Variants in SLC5A10 observed in about 807,000 individuals in gnomAD.
SLC5A10 encodes the protein solute carrier family 5 member 10.
SLC5A10 carries 55 observed loss-of-function variants against 68.9 expected under a neutral mutation model. The ratio of observed to expected loss-of-function variants is 0.80; its 90% confidence interval spans 0.64 to 1.00. SLC5A10 has a LOEUF of 1.00. Ranked by LOEUF, SLC5A10 falls within the 50% of genes least tolerant of loss-of-function variation. The pLI is 0.00. For missense variants in SLC5A10, 732 were observed against 819.3 expected, an observed-to-expected ratio of 0.89 and a Z score of 1.30; for synonymous variants, 344 against 344.8, an observed-to-expected ratio of 1.00 and a Z score of 0.02.
chr17:19,015,234 A>T, intron 11 of SLC5A10, 35 bp downstream of exon 11: 2 of 647,610 alleles, frequency 3.1e-6, no homozygotes, highest in African/African-American at 1.7e-5. Context: ...GGGTGGGGGA[A>T]CACTACAAGG....
At chr17:19,014,986 G>T (rs1422759640) in intron 10 of SLC5A10, 63 bp from the exon 11 acceptor site, 3 of 1,570,116 alleles carry the variant, frequency 1.9e-6, no homozygotes, top group African/African-American at 2.7e-5. Context: ...GAGCCCAGGC[G>T]GGAGGGGTTC....
intron 5 of SLC5A10, among the ~76,000 whole-genome samples, chr17:18,962,875 C>T (rs949280959): frequency 1.3e-5 from 2 of 152,146 alleles, no homozygotes; most frequent in African/African-American, 4.8e-5. Context: ...AGAGCTTATA[C>T]CTCACACTCG....
chr17:18,975,111 C>T (rs1404464929), intron 8 of SLC5A10, among the ~76,000 whole-genome samples: 2 of 152,178 alleles, frequency 1.3e-5, no homozygotes, highest in Non-Finnish European at 2.9e-5. Flanking sequence ...AAAAGACATT[C>T]AGGGTCTTAG....
chr17:18,970,263 C>T (rs559430073), intron 7 of SLC5A10: 6 of 152,290 alleles, frequency 3.9e-5, no homozygotes, highest in Non-Finnish European at 8.8e-5. Flanking sequence ...CCAGGCTTCT[C>T]CCTCTCAGAC....
chr17:18,982,349 C>T (rs1196712634), intron 9 of SLC5A10, among the ~76,000 whole-genome samples: 7 of 152,200 alleles, frequency 4.6e-5, no homozygotes, highest in African/African-American at 1.4e-4. Flanking sequence ...CCCCACCCCA[C>T]GGGGCCTGGC....
At chr17:19,013,364 G>A (rs1302591816) in intron 9 of SLC5A10, 46 bp from the exon 10 acceptor site, 6 of 1,600,908 alleles carry the variant, frequency 3.7e-6, no homozygotes, top group East Asian at 2.3e-5. Flanking sequence ...CACCCCAGGT[G>A]CTCATGTCTA....
chr17:19,019,787 C>T lies in SLC5A10; in HGVS notation c.1485C>T (p.Ala495=), dbSNP rs1382079045. The T allele has an allele frequency of 6.2e-7, 1 of 1,613,238 alleles. No individual in the cohort carries two copies. The highest frequency in any genetic ancestry group is 8.5e-7 in the Non-Finnish European group (1 of 1,179,794). ...TRLVLEFLNP[A]PPCGEPDTRP... is the part of the protein sequence containing the mutation. ...TGGTCCTGGAATTCCTGAACCCAGC[C>T]CCACCGTGCGGAGAGCCAGACACGC... is the stretch of plus-strand genomic sequence containing the variant. The change falls in exon 13 of 15, where the codon GCC becomes GCT. Residue 495 remains alanine, a synonymous_variant. Coordinates refer to ENST00000395645, the MANE Select transcript of SLC5A10 (RefSeq NM_001042450.4).
rs138474269 is a variant in SLC5A10 at position 18,984,828 on chromosome 17, G to A, written c.982+7839G>A. Among the ~76,000 whole-genome samples the A allele has an allele frequency of 2.0e-3, 311 of 152,338 alleles. 2 individuals carry two copies. Among genetic ancestry groups the A allele is most frequent in the African/African-American group, 6.8e-3 (282 of 41,568 alleles). On this transcript the variant is annotated intron_variant, in intron 9 of 14. Coordinates refer to ENST00000395645, the MANE Select transcript of SLC5A10 (RefSeq NM_001042450.4). Reference sequence around the variant, plus strand: ...GTGAAAGTTCTGGCCCTCTTCCCAAGGCCTGCTCCCTATTTGTCATTTGGG... The same window carrying A: ...GTGAAAGTTCTGGCCCTCTTCCCAAAGCCTGCTCCCTATTTGTCATTTGGG...
chr17:18,983,113 G>A (rs1262671656), intron 9 of SLC5A10, among the ~76,000 whole-genome samples: 1 of 152,234 alleles, frequency 6.6e-6, no homozygotes, highest in Non-Finnish European at 1.5e-5. Context: ...AGCCGTACTG[G>A]GTGGGTGGTT....
chr17:18,962,494 C>T (rs1247387686), intron 5 of SLC5A10, among the ~76,000 whole-genome samples: 4 of 152,078 alleles, frequency 2.6e-5, no homozygotes, highest in Non-Finnish European at 5.9e-5. Context: ...AACCAGAGAA[C>T]GTGCCCCAGG....
intron 9 of SLC5A10, among the ~76,000 whole-genome samples, chr17:19,005,160 G>T (rs2043849168): frequency 2.0e-5 from 3 of 152,232 alleles, no homozygotes; most frequent in African/African-American, 4.8e-5. Flanking sequence ...CAGGTCTAGG[G>T]TACTGGGCTG....
intron 9 of SLC5A10, among the ~76,000 whole-genome samples, chr17:18,988,748 C>T (rs1252371896): frequency 2.6e-5 from 4 of 152,360 alleles, no homozygotes; most frequent in East Asian, 1.9e-4. Context: ...CAGCAGCTGG[C>T]GTGGCGGCTC....
Position 19,020,549 on chromosome 17 carries a change from G to C in SLC5A10, c.*118G>C. On this transcript the variant is annotated 3_prime_UTR_variant, in exon 15 of 15. Coordinates refer to ENST00000395645, the MANE Select transcript of SLC5A10 (RefSeq NM_001042450.4). ...TCCCCTCACAGCTGCACAGCAGCTC[G>C]GTGCCCAAGAACTGGCCAAGCCAGC... 1 of 951,168 alleles carries C rather than the reference G, an allele frequency of 1.1e-6. No individual in the cohort carries two copies. The highest frequency in any genetic ancestry group is 2.6e-5 in the Admixed American group (1 of 38,658). The allele number at this position is 951,168 out of a possible 1,614,324, so 58.9% of individuals were successfully genotyped here.
At chr17:18,952,082 G>T, upstream of SLC5A10, 2 of 1,446,988 alleles carry the variant, frequency 1.4e-6, no homozygotes, top group South Asian at 2.8e-5. Context: ...GCCACATCAT[G>T]GGCTGGAGAT....
intron 9 of SLC5A10, among the ~76,000 whole-genome samples, chr17:19,009,450 G>A (rs536454670): frequency 1.3e-5 from 2 of 152,220 alleles, no homozygotes; most frequent in African/African-American, 4.8e-5. Context: ...TGAACTCCTG[G>A]CCTCAAACAA....
intron 5 of SLC5A10, among the ~76,000 whole-genome samples, chr17:18,961,149 G>A (rs534589717): frequency 6.6e-6 from 1 of 152,266 alleles, no homozygotes; most frequent in African/African-American, 2.4e-5. Context: ...AGCACACCTC[G>A]AATGTCAGGG....
At chr17:18,977,914 A>G (rs750961572) in intron 9 of SLC5A10, 12 of 1,610,068 alleles carry the variant, frequency 7.5e-6, no homozygotes, top group Admixed American at 1.7e-5. Flanking sequence ...CGTAGTCGTC[A>G]TCATCTTCTT....
chr17:18,999,432 G>A (rs2043666389), intron 9 of SLC5A10, among the ~76,000 whole-genome samples: 1 of 152,204 alleles, frequency 6.6e-6, no homozygotes, highest in Admixed American at 6.5e-5. Context: ...CTGCAGACTG[G>A]GGGTCTCGGC....
rs139976571 is a variant in SLC5A10, at chr17:18,996,721, GTGTCAC to G, written c.983-16684_983-16679del. On this transcript the variant is annotated intron_variant, in intron 9 of 14. Coordinates refer to ENST00000395645, the MANE Select transcript of SLC5A10 (RefSeq NM_001042450.4). This position sits in a 1 kb window ranked among gnomAD's most constrained non-coding sequence, Gnocchi z 4.4. ...TGGCCACTCCCATTTTCCAGAGGGG[GTGTCAC>G]TGTCCCAGGGCCACCCTGTCAACTA... 3.1e-3 allele frequency among the ~76,000 whole-genome samples: 472 copies of G among 152,330 alleles called. 1 individual carries two copies. The highest frequency in any genetic ancestry group is 0.011 in the African/African-American group (443 of 41,572).
Sources: allele counts gnomAD v4.1 joint callset (sites outside exome capture counted in the v4.1 genomes callset), GRCh38; gene constraint gnomAD v4.1.1; non-coding constraint Gnocchi (gnomAD v3.1); transcripts MANE v1.5; gene names NCBI Gene and HGNC (gene_info 2026-07-23, HGNC 2026-07-21).